LIN28B: variants seen among roughly 807,000 people sequenced by gnomAD.
LIN28B encodes the protein lin-28 RNA binding posttranscriptional regulator B.
In LIN28B, 5 loss-of-function variants were observed where a neutral mutation model predicts 21.9. That is an observed-to-expected ratio of 0.23 (90% CI 0.12 to 0.48). The LOEUF (loss-of-function observed/expected upper bound fraction) is 0.48. LIN28B is among the 20% of genes least tolerant of loss of function. The pLI is 0.98. For synonymous variants in LIN28B, 109 were observed against 111.3 expected, an observed-to-expected ratio of 0.98 and a Z score of 0.13; for missense variants, 245 against 310.5, an observed-to-expected ratio of 0.79 and a Z score of 1.58.
At chr6:104,953,004 G>C (rs1778237677), upstream of LIN28B, among the ~76,000 whole-genome samples, 1 of 152,186 alleles carries the variant, frequency 6.6e-6, no homozygotes, top group South Asian at 2.1e-4. Flanking sequence ...GCACCCAGTC[G>C]GGCGCGCCTT....
chr6:105,037,530 T>C (rs1291266315), intron 3 of LIN28B, among the ~76,000 whole-genome samples: 1 of 149,490 alleles, frequency 6.7e-6, no homozygotes. Flanking sequence ...CTTTTTTTTT[T>C]GAGACAGGGT....
chr6:105,060,514 A>G (rs1772105458), intron 3 of LIN28B, among the ~76,000 whole-genome samples: 1 of 152,176 alleles, frequency 6.6e-6, no homozygotes, highest in Admixed American at 6.5e-5. Context: ...ACTGAGTGGT[A>G]TGAGCAGACT....
At position 104,940,874 on chromosome 6, in the gene LIN28B, A is replaced by C. The variant is rs565930599; in HGVS notation, c.18+3758A>C. 6 of 152,050 alleles carry C rather than the reference A, an allele frequency of 3.9e-5. No individual in the cohort carries two copies. In the South Asian group the frequency reaches 1.2e-3, roughly 32 times the overall value. The allele number at this position is 152,050 out of a possible 1,614,324, so 9.4% of individuals were successfully genotyped here. ...CGCCGCGCGCCTCACAGGTCTCTCG[A>C]CCTCCGCGCTCCCTCAGGAAGTGAC... On this transcript the variant is annotated intron_variant, in intron 2 of 5. Coordinates refer to the LIN28B transcript ENST00000635857.
chr6:105,011,235 G>T (rs1177169379), intron 2 of LIN28B, among the ~76,000 whole-genome samples: 1 of 152,134 alleles, frequency 6.6e-6, no homozygotes, highest in African/African-American at 2.4e-5. Context: ...TATTGCCCAA[G>T]CTGGAGTGCA....
chr6:104,988,410 C>T (rs1770391223), intron 2 of LIN28B, among the ~76,000 whole-genome samples: 1 of 149,068 alleles, frequency 6.7e-6, no homozygotes, highest in Admixed American at 6.7e-5. Context: ...TTTTCTATTC[C>T]TTGGAAGAGT....
chr6:105,076,968 G>A (rs1040967130), intron 3 of LIN28B, among the ~76,000 whole-genome samples: 4 of 151,710 alleles, frequency 2.6e-5, no homozygotes, highest in Non-Finnish European at 5.9e-5. Context: ...AGTGGCTCAC[G>A]TCTGTAATCC....
chr6:105,029,928 G>A (rs1245399663), intron 3 of LIN28B, among the ~76,000 whole-genome samples: 1 of 152,182 alleles, frequency 6.6e-6, no homozygotes, highest in Non-Finnish European at 1.5e-5. Flanking sequence ...AACACATGGG[G>A]TGTGGGTTGC....
chr6:105,068,103 G>A (rs556160274), intron 3 of LIN28B, among the ~76,000 whole-genome samples: 9 of 152,220 alleles, frequency 5.9e-5, no homozygotes, highest in Admixed American at 2.0e-4. Context: ...TTTCACTGAT[G>A]TTATGAGATA....
chr6:105,081,601 T>C lies in LIN28B; in HGVS notation c.*2818T>C, dbSNP rs536352976. The C allele has an allele frequency of 1.3e-5, 2 of 152,462 alleles. No individual in the cohort carries two copies. Among genetic ancestry groups the C allele is most frequent in the African/African-American group, 4.8e-5 (2 of 41,584 alleles). 9.4% of individuals were successfully genotyped at this position (152,462 alleles called of 1,614,324 possible). A position where few individuals can be genotyped will look rare whatever the true frequency, so the allele number is the denominator to read the frequency against. ...GAATAATGAAGCATCTCGTTTTAGT[T>C]AGCAAAGTCTCCAAACATTTCCTTA... On this transcript the variant is annotated 3_prime_UTR_variant, in exon 4 of 4. Coordinates refer to ENST00000345080, the MANE Select transcript of LIN28B (RefSeq NM_001004317.4).
chr6:105,067,409 T>C (rs772687196), intron 3 of LIN28B, among the ~76,000 whole-genome samples: 2 of 152,234 alleles, frequency 1.3e-5, no homozygotes, highest in African/African-American at 4.8e-5. Context: ...GTGTTACTCC[T>C]GAACTGGACA....
chr6:104,992,619 C>T (rs1333954355), intron 2 of LIN28B, among the ~76,000 whole-genome samples: 2 of 151,936 alleles, frequency 1.3e-5, no homozygotes, highest in Non-Finnish European at 2.9e-5. Flanking sequence ...GATCCTTCCA[C>T]CTCAGCCTGC....
intron 2 of LIN28B, among the ~76,000 whole-genome samples, chr6:105,017,011 T>C (rs1582897645): frequency 6.9e-6 from 1 of 145,670 alleles, no homozygotes; most frequent in Non-Finnish European, 1.5e-5. Flanking sequence ...TGGTAGAGGT[T>C]GGAGTGAGCC....
chr6:105,033,127 C>T (rs1206763719), intron 3 of LIN28B, among the ~76,000 whole-genome samples: 1 of 152,056 alleles, frequency 6.6e-6, no homozygotes, highest in African/African-American at 2.4e-5. Context: ...AGTGTAAGGC[C>T]TAGGTAGAGG....
Position 104,958,233 on chromosome 6 carries a change from A to G in LIN28B, c.145A>G (p.Ile49Val), listed in dbSNP as rs148898498. 2 of 1,594,964 alleles carry G rather than the reference A, an allele frequency of 1.3e-6. No individual in the cohort carries two copies. Among genetic ancestry groups the G allele is most frequent in the East Asian group, 2.3e-5 (1 of 44,384 alleles). ...VRMGFGFISM[I>V]NREGSPLDIP... is the part of the protein sequence containing the mutation. ...CATGGGATTTGGATTCATCTCCATG[A>G]TAAACCGAGAGGGAAGCCCCTTGGA... Residue 49 changes from isoleucine to valine, a missense_variant, in exon 2 of 4, where the codon ATA becomes GTA. Transcript: ENST00000345080.
In LIN28B at chr6:105,055,645, C is replaced by T. The variant is rs187991591; in HGVS notation, c.384-22769C>T. 1.1e-3 allele frequency among the ~76,000 whole-genome samples: 161 copies of T among 152,082 alleles called. 2 individuals carry two copies. The Middle Eastern group carries it at 0.014, about 13-fold the overall frequency. Reference sequence around the variant, plus strand: ...TTCCTTATAATCTGCTTTTTAAGTTCGCTAAATTTTTCTTCAGTTTCTAAG... The same window carrying T: ...TTCCTTATAATCTGCTTTTTAAGTTTGCTAAATTTTTCTTCAGTTTCTAAG... On this transcript the variant is annotated intron_variant, in intron 3 of 3. Coordinates refer to ENST00000345080, the MANE Select transcript of LIN28B (RefSeq NM_001004317.4).
chr6:105,002,204 G>A (rs999943081), intron 2 of LIN28B, among the ~76,000 whole-genome samples: 1 of 146,470 alleles, frequency 6.8e-6, no homozygotes, highest in African/African-American at 2.5e-5. Context: ...GAGAAGGGTT[G>A]GTTCATTTTT....
chr6:105,005,811 G>C (rs1269330225), intron 2 of LIN28B, among the ~76,000 whole-genome samples: 1 of 152,136 alleles, frequency 6.6e-6, no homozygotes, highest in Non-Finnish European at 1.5e-5. Context: ...CTAATACACT[G>C]TCATTGTTCT....
intron 2 of LIN28B, among the ~76,000 whole-genome samples, chr6:104,967,127 G>A (rs1769878248): frequency 6.6e-6 from 1 of 151,916 alleles, no homozygotes; most frequent in African/African-American, 2.4e-5. Flanking sequence ...TCCTAGTAGT[G>A]TCTGTGCTTG....
intron 3 of LIN28B, 24 bp from the exon 4 acceptor site, chr6:105,078,390 T>C: frequency 1.3e-6 from 2 of 1,574,648 alleles, no homozygotes; most frequent in Non-Finnish European, 1.7e-6. Flanking sequence ...ACTTCTAAGA[T>C]GTTTTCATCT....
Sources: gnomAD v4.1 joint callset for allele counts (sites outside exome capture counted in the v4.1 genomes callset) on GRCh38, gnomAD v4.1.1 for gene constraint, MANE v1.5 for transcripts, NCBI Gene and HGNC (gene_info 2026-07-23, HGNC 2026-07-21) for gene names.